Variants in ERBB4 observed in about 807,000 individuals in gnomAD.
ERBB4 encodes the protein receptor tyrosine-protein kinase erbB-4.
In ERBB4, 42 loss-of-function variants were observed where a neutral mutation model predicts 158.0. The ratio of observed to expected loss-of-function variants is 0.27; its 90% confidence interval spans 0.21 to 0.34. The LOEUF (loss-of-function observed/expected upper bound fraction) is 0.34, where lower values mean the gene tolerates loss of function less well. Among genes scored for constraint, ERBB4 ranks in the 10% least tolerant of loss-of-function variants. ERBB4 has a pLI of 1.00. For missense variants in ERBB4, 1,333 were observed against 1,624.1 expected (o/e 0.82, Z 3.08); for synonymous variants, 583 against 558.7 (o/e 1.04, Z -0.61).
chr2:211,922,286 G>A (rs2125079647), intron 3 of ERBB4, among the ~76,000 whole-genome samples: 1 of 152,184 alleles, frequency 6.6e-6, no homozygotes, highest in African/African-American at 2.4e-5. Flanking sequence ...TTTAAGAATA[G>A]CTTAAACAGT....
chr2:212,103,634 A>G (rs2079144617), intron 2 of ERBB4, among the ~76,000 whole-genome samples: 1 of 151,904 alleles, frequency 6.6e-6, no homozygotes. Flanking sequence ...TTTTAAAACT[A>G]CTTCTCAGTT....
chr2:211,711,905 T>G (rs972978540), intron 9 of ERBB4, 145 bp downstream of exon 9: 4 of 693,160 alleles, frequency 5.8e-6, no homozygotes, highest in Non-Finnish European at 7.5e-6. Flanking sequence ...GCTGGTGAAA[T>G]CAGGCCCCTG....
chr2:211,933,524 T>A (rs984453029), intron 3 of ERBB4, among the ~76,000 whole-genome samples: 1 of 152,088 alleles, frequency 6.6e-6, no homozygotes, highest in East Asian at 1.9e-4. Context: ...AATTATGGCA[T>A]CTATATTGTT....
At chr2:212,440,766 C>T (rs554543425) in intron 1 of ERBB4, among the ~76,000 whole-genome samples, 18 of 152,302 alleles carry the variant, frequency 1.2e-4, no homozygotes, top group Non-Finnish European at 2.4e-4. Context: ...ATTCACCACT[C>T]GTGAGAGGCA....
At chr2:211,703,415 A>C (rs191069763) in intron 11 of ERBB4, among the ~76,000 whole-genome samples, 1 of 152,202 alleles carries the variant, frequency 6.6e-6, no homozygotes, top group African/African-American at 2.4e-5. Flanking sequence ...CTTTTTATAA[A>C]ACATTATTAG....
At chr2:212,143,783 C>T (rs1335637802) in intron 1 of ERBB4, among the ~76,000 whole-genome samples, 3 of 151,878 alleles carry the variant, frequency 2.0e-5, no homozygotes, top group South Asian at 2.1e-4. Flanking sequence ...TTTGAGAGGC[C>T]GAGGCGGGCG....
At position 211,977,531 on chromosome 2, in the gene ERBB4, T is replaced by TAA. The variant is rs370595284; in HGVS notation, c.235-29917_235-29916dup. ...CCTTACTTTGTTAAGATATTGACTT[T>TAA]AAAAAAAAAAAAAAAAAGTAACTTG... On this transcript the variant is annotated intron_variant, in intron 2 of 27. Transcript: ENST00000342788. Among the ~76,000 whole-genome samples, 6 of 67,594 alleles carry TAA rather than the reference T, an allele frequency of 8.9e-5. No individual in the cohort carries two copies. The East Asian group carries it at 1.7e-3, about 19-fold the overall frequency. 44.3% of individuals were successfully genotyped at this position (67,594 alleles called of 152,430 possible).
At chr2:211,553,054 C>T (rs1028050567) in intron 20 of ERBB4, among the ~76,000 whole-genome samples, 1 of 151,754 alleles carries the variant, frequency 6.6e-6, no homozygotes, top group Non-Finnish European at 1.5e-5. Context: ...CTGCAACCTC[C>T]ACCTCCCATG....
chr2:212,344,098 T>C (rs1560070230), intron 1 of ERBB4, among the ~76,000 whole-genome samples: 1 of 152,192 alleles, frequency 6.6e-6, no homozygotes, highest in Admixed American at 6.5e-5. Flanking sequence ...AATATGGTTA[T>C]ATAGATGGGG....
chr2:212,000,460 AAAGCCAG>A (rs2076077799), intron 2 of ERBB4, among the ~76,000 whole-genome samples: 2 of 151,934 alleles, frequency 1.3e-5, no homozygotes, highest in Admixed American at 1.3e-4. Context: ...ACAATGTAAG[AAAGCCAG>A]ATGGAGGTTT....
In ERBB4 at chr2:212,022,602, G is replaced by A. The variant is rs569575176; in HGVS notation, c.235-74986C>T. 3.0e-4 allele frequency among the ~76,000 whole-genome samples: 45 copies of A among 152,042 alleles called. 1 individual carries two copies. In the South Asian group the frequency reaches 9.3e-3, roughly 32 times the overall value. Reference sequence around the variant, plus strand: ...TGCTGGGCTTCATACCTAGGCCATGGTTTGATAGGTGCAGCAAACCACCGT... The same window carrying A: ...TGCTGGGCTTCATACCTAGGCCATGATTTGATAGGTGCAGCAAACCACCGT... On this transcript the variant is annotated intron_variant, in intron 2 of 27. Transcript: ENST00000342788.
intron 1 of ERBB4, among the ~76,000 whole-genome samples, chr2:212,176,738 T>C (rs2081674716): frequency 6.6e-6 from 1 of 151,958 alleles, no homozygotes; most frequent in Admixed American, 6.6e-5. Flanking sequence ...GGTGTCCCTA[T>C]AATATTGAAC....
At chr2:212,190,806 T>A (rs2082166524) in intron 1 of ERBB4, among the ~76,000 whole-genome samples, 1 of 152,202 alleles carries the variant, frequency 6.6e-6, no homozygotes, top group Admixed American at 6.5e-5. Flanking sequence ...AAATATGATA[T>A]GCCTATTTCA....
chr2:212,488,343 CCT>C, intron 1 of ERBB4, among the ~76,000 whole-genome samples: 1 of 151,046 alleles, frequency 6.6e-6, no homozygotes, highest in African/African-American at 2.4e-5. Flanking sequence ...CTCTCTCTCT[CCT>C]CTCTCTCACA....
At chr2:211,752,728 A>G (rs1170928009) in intron 4 of ERBB4, among the ~76,000 whole-genome samples, 1 of 152,148 alleles carries the variant, frequency 6.6e-6, no homozygotes, top group Non-Finnish European at 1.5e-5. Context: ...ATAAAAAGGC[A>G]TGTTGCTAGA....
At chr2:211,479,301 A>T (rs2065028288) in intron 20 of ERBB4, among the ~76,000 whole-genome samples, 1 of 152,198 alleles carries the variant, frequency 6.6e-6, no homozygotes, top group Non-Finnish European at 1.5e-5. Flanking sequence ...TGGCCACTTA[A>T]GGCTTCATGC....
At chr2:212,499,940 T>G (rs536943089) in intron 1 of ERBB4, among the ~76,000 whole-genome samples, 1 of 152,106 alleles carries the variant, frequency 6.6e-6, no homozygotes, top group Non-Finnish European at 1.5e-5. Context: ...ATATTTCATA[T>G]GACAAATGTC....
At chr2:211,498,740 T>C (rs548720300) in intron 20 of ERBB4, among the ~76,000 whole-genome samples, 91 of 152,172 alleles carry the variant, frequency 6.0e-4, no homozygotes, top group Non-Finnish European at 1.1e-3. Context: ...TCAGTCATAT[T>C]ACCATTACAA....
At chr2:211,600,612 G>A (rs1216791506) in intron 19 of ERBB4, among the ~76,000 whole-genome samples, 2 of 152,136 alleles carry the variant, frequency 1.3e-5, no homozygotes, top group South Asian at 2.1e-4. Flanking sequence ...TCTTTATTCA[G>A]AGTACCAGGT....
Sources: allele counts gnomAD v4.1 joint callset (sites outside exome capture counted in the v4.1 genomes callset), GRCh38; gene constraint gnomAD v4.1.1; transcripts MANE v1.5; gene names NCBI Gene and HGNC (gene_info 2026-07-23, HGNC 2026-07-21).